Variants in CHN1 observed in about 807,000 individuals in gnomAD.
The protein encoded by CHN1 is N-chimaerin.
A neutral mutation model predicts 59.5 loss-of-function variants in CHN1; 37 were observed. The ratio of observed to expected loss-of-function variants is 0.62; its 90% CI spans 0.48 to 0.82. CHN1 has a LOEUF of 0.82. Among genes scored for constraint, CHN1 ranks in the 40% least tolerant of loss-of-function variants. The pLI is 0.00. For missense variants in CHN1, 469 were observed against 571.0 expected, an observed-to-expected ratio of 0.82 and a Z score of 1.82; for synonymous variants, 206 against 200.4, an observed-to-expected ratio of 1.03 and a Z score of -0.24.
intron 6 of CHN1, among the ~76,000 whole-genome samples, chr2:174,856,974 G>C (rs764905422): frequency 2.6e-5 from 4 of 151,938 alleles, no homozygotes; most frequent in African/African-American, 9.7e-5. Context: ...TTCCTTAAGC[G>C]GAGACAAAAA....
At chr2:174,805,129 G>C (rs935606022) in intron 11 of CHN1, among the ~76,000 whole-genome samples, 30 of 152,204 alleles carry the variant, frequency 2.0e-4, no homozygotes, top group Non-Finnish European at 2.6e-4. Context: ...CATGGAATAA[G>C]GGTGATGTCA....
chr2:174,945,092 G>A (rs975881105), intron 2 of CHN1, 149 bp from the exon 3 acceptor site: 2 of 580,262 alleles, frequency 3.4e-6, no homozygotes, highest in Admixed American at 6.3e-5. Flanking sequence ...AACAAAAAAA[G>A]TAAACAAAAC....
At chr2:174,846,403 TG>T in intron 7 of CHN1, 1 of 1,545,282 alleles carries the variant, frequency 6.5e-7, no homozygotes. Flanking sequence ...CCTTTCATCA[TG>T]GTCAATTCAT....
At chr2:174,917,507 ATATATT>A (rs1161228842) in intron 4 of CHN1, among the ~76,000 whole-genome samples, 1 of 152,210 alleles carries the variant, frequency 6.6e-6, no homozygotes, top group Non-Finnish European at 1.5e-5. Context: ...AAACTTGACA[ATATATT>A]TAAAGAATTT....
At chr2:174,836,128 G>C (rs949090248) in intron 7 of CHN1, among the ~76,000 whole-genome samples, 3 of 152,160 alleles carry the variant, frequency 2.0e-5, no homozygotes, top group Non-Finnish European at 4.4e-5. Context: ...CACTGGGGTA[G>C]ACCACAAGAC....
chr2:174,941,333 T>C (rs759898223), intron 3 of CHN1, among the ~76,000 whole-genome samples: 1 of 152,206 alleles, frequency 6.6e-6, no homozygotes, highest in Non-Finnish European at 1.5e-5. Flanking sequence ...CCTGGAAATA[T>C]TCATTCTTAC....
chr2:174,881,606 A>AT (rs1687739736), intron 5 of CHN1, among the ~76,000 whole-genome samples: 1 of 152,220 alleles, frequency 6.6e-6, no homozygotes, highest in African/African-American at 2.4e-5. Context: ...GAATGACAGA[A>AT]TGAGTTACCA....
intron 7 of CHN1, among the ~76,000 whole-genome samples, chr2:174,825,425 C>T (rs559348549): frequency 6.6e-6 from 1 of 152,296 alleles, no homozygotes; most frequent in African/African-American, 2.4e-5. Context: ...AGTAATTATT[C>T]ACTAACCATT....
intron 6 of CHN1, among the ~76,000 whole-genome samples, chr2:174,855,078 A>G (rs1428626297): frequency 6.6e-6 from 1 of 152,162 alleles, no homozygotes; most frequent in Non-Finnish European, 1.5e-5. Flanking sequence ...TTTTCCACAA[A>G]TACCTAGTTT....
At chr2:174,989,173 C>T (rs1342901085) in intron 1 of CHN1, among the ~76,000 whole-genome samples, 2 of 150,840 alleles carry the variant, frequency 1.3e-5, no homozygotes, top group African/African-American at 4.9e-5. Context: ...GTCAGGAGTT[C>T]GAGACCAGCC....
At chr2:174,940,349 T>G (rs1003438083) in intron 3 of CHN1, among the ~76,000 whole-genome samples, 1 of 152,212 alleles carries the variant, frequency 6.6e-6, no homozygotes, top group Non-Finnish European at 1.5e-5. Context: ...TTTTCAATAA[T>G]GTATCATCTA....
At chr2:174,855,416 T>C (rs1244816383) in intron 6 of CHN1, among the ~76,000 whole-genome samples, 1 of 152,192 alleles carries the variant, frequency 6.6e-6, no homozygotes, top group African/African-American at 2.4e-5. Flanking sequence ...CTGCAATTTC[T>C]ATAAAATGTT....
intron 1 of CHN1, among the ~76,000 whole-genome samples, chr2:174,999,427 T>A (rs1393568769): frequency 6.6e-6 from 1 of 152,198 alleles, no homozygotes; most frequent in African/African-American, 2.4e-5. Context: ...GGAGAAACGC[T>A]ACACCCTCAC....
chr2:174,820,064 A>G (rs1226209130), intron 8 of CHN1, among the ~76,000 whole-genome samples: 2 of 151,990 alleles, frequency 1.3e-5, no homozygotes, highest in Non-Finnish European at 2.9e-5. Flanking sequence ...CAGTCTATCA[A>G]TCATTGTTGG....
chr2:174,974,356 C>T (rs1340382521), intron 1 of CHN1, among the ~76,000 whole-genome samples: 5 of 152,072 alleles, frequency 3.3e-5, no homozygotes, highest in African/African-American at 1.2e-4. Flanking sequence ...GGAATGCCCG[C>T]AAGGATGCTG....
intron 10 of CHN1, among the ~76,000 whole-genome samples, chr2:174,809,899 C>T (rs188316101): frequency 2.0e-5 from 3 of 152,262 alleles, no homozygotes; most frequent in Admixed American, 2.0e-4. Context: ...GTGATTCCAC[C>T]AAAGGACAAA....
intron 1 of CHN1, among the ~76,000 whole-genome samples, chr2:174,957,667 C>G (rs1013439187): frequency 1.3e-5 from 2 of 152,128 alleles, no homozygotes; most frequent in African/African-American, 4.8e-5. Flanking sequence ...TGTGTCTCCA[C>G]TTCCTTGTGG....
chr2:174,867,896 A>G (rs922001958), intron 6 of CHN1, among the ~76,000 whole-genome samples: 5 of 152,168 alleles, frequency 3.3e-5, no homozygotes, highest in Non-Finnish European at 5.9e-5. Context: ...GTTAATTTTT[A>G]TATTCTTATT....
At chr2:174,995,133 T>C (rs933314863) in intron 1 of CHN1, among the ~76,000 whole-genome samples, 2 of 152,240 alleles carry the variant, frequency 1.3e-5, no homozygotes, top group African/African-American at 4.8e-5. Context: ...TTTGCTTAGA[T>C]TGAGTACCTA....
Sources: allele counts gnomAD v4.1 joint callset (sites outside exome capture counted in the v4.1 genomes callset), GRCh38; gene constraint gnomAD v4.1.1; transcripts MANE v1.5; gene names NCBI Gene and HGNC (gene_info 2026-07-23, HGNC 2026-07-21).